TULP3: variants seen among roughly 807,000 people sequenced by gnomAD.
TULP3 encodes TUB like protein 3.
Under a neutral mutation model 50.7 loss-of-function variants are expected in TULP3, and 38 were observed. That is an observed-to-expected ratio of 0.75 (90% CI 0.58 to 0.98). TULP3 has a LOEUF of 0.98. Among genes scored for constraint, TULP3 ranks in the 50% least tolerant of loss-of-function variants. TULP3 has a pLI of 0.00. For synonymous variants in TULP3, 183 were observed against 196.6 expected (o/e 0.93, Z 0.58); for missense variants, 550 against 568.0 (o/e 0.97, Z 0.32).
At chr12:2,904,368 C>T (rs1278396376) in intron 1 of TULP3, among the ~76,000 whole-genome samples, 2 of 152,058 alleles carry the variant, frequency 1.3e-5, no homozygotes, top group Non-Finnish European at 2.9e-5. Flanking sequence ...GATGGAATCT[C>T]GCTCTGTTGC....
In TULP3 at chr12:2,940,548, G is replaced by A; in HGVS notation, c.*1104G>A. 6.4e-7 allele frequency: 1 copy of A among 1,550,564 alleles called. No homozygotes were observed. The highest frequency in any genetic ancestry group is 2.4e-5 in the East Asian group (1 of 40,912). On this transcript the variant is annotated 3_prime_UTR_variant, in exon 11 of 11. Coordinates refer to ENST00000448120, the MANE Select transcript of TULP3 (RefSeq NM_003324.5). Reference sequence around the variant, plus strand: ...TTCCCAGAATGTATCCAAACCTTGAGAATGCAGGAGCTCTGTGAGCTCCAC... The same window carrying A: ...TTCCCAGAATGTATCCAAACCTTGAAAATGCAGGAGCTCTGTGAGCTCCAC...
chr12:2,940,728 G>A lies in TULP3; in HGVS notation c.*1284G>A, dbSNP rs2098204310. The A allele has an allele frequency of 6.5e-7, 1 of 1,548,476 alleles. No individual in the cohort carries two copies. The highest frequency in any genetic ancestry group is 1.4e-5 in the African/African-American group (1 of 73,156). ...GCACCACATCAGATAAGCATGTGAA[G>A]GAGGGCCAACTGGCAGCTGCGGGAC... On this transcript the variant is annotated 3_prime_UTR_variant, in exon 11 of 11. Coordinates refer to ENST00000448120, the MANE Select transcript of TULP3 (RefSeq NM_003324.5).
At position 2,939,985 on chromosome 12, in the gene TULP3, A is replaced by G; in HGVS notation, c.*541A>G. Reference sequence around the variant, plus strand: ...AAACTTGCAGTAGAATCAGGGACTGACATCGCAGTTCCTCTCCTCTCTTCA... The same window carrying G: ...AAACTTGCAGTAGAATCAGGGACTGGCATCGCAGTTCCTCTCCTCTCTTCA... On this transcript the variant is annotated 3_prime_UTR_variant, in exon 11 of 11. Coordinates refer to ENST00000448120, the MANE Select transcript of TULP3 (RefSeq NM_003324.5). This position sits in a 1 kb window ranked among gnomAD's most constrained non-coding sequence, Gnocchi z 4.0. 1 of 1,280,364 alleles carries G rather than the reference A, an allele frequency of 7.8e-7. No individual in the cohort carries two copies. Among genetic ancestry groups the G allele is most frequent in the Non-Finnish European group, 1.0e-6 (1 of 981,138 alleles). 79.3% of individuals were successfully genotyped at this position (1,280,364 alleles called of 1,614,324 possible). A position where few individuals can be genotyped will look rare whatever the true frequency, so the allele number is the denominator to read the frequency against.
At chr12:2,897,807 G>C (rs1481415877) in intron 1 of TULP3, among the ~76,000 whole-genome samples, 3 of 150,642 alleles carry the variant, frequency 2.0e-5, no homozygotes, top group African/African-American at 7.4e-5. Flanking sequence ...GGCCCAGTGC[G>C]GTGGCTCATG....
chr12:2,898,939 A>G (rs912732302), intron 1 of TULP3, among the ~76,000 whole-genome samples: 13 of 152,186 alleles, frequency 8.5e-5, no homozygotes, highest in African/African-American at 3.1e-4. Context: ...TAGGCATCGC[A>G]AAGTGCTGGG....
intron 1 of TULP3, among the ~76,000 whole-genome samples, chr12:2,894,212 C>T (rs1164647328): frequency 7.2e-6 from 1 of 138,210 alleles, no homozygotes; most frequent in Admixed American, 8.6e-5. Flanking sequence ...CATGATTTCT[C>T]TTTAGAAATA....
At chr12:2,908,670 T>C (rs2098183783) in intron 1 of TULP3, among the ~76,000 whole-genome samples, 2 of 152,160 alleles carry the variant, frequency 1.3e-5, no homozygotes, top group East Asian at 1.9e-4. Flanking sequence ...TCCACCTGCC[T>C]TGACCTCCCA....
At chr12:2,899,341 G>A (rs1403376087) in intron 1 of TULP3, among the ~76,000 whole-genome samples, 5 of 69,024 alleles carry the variant, frequency 7.2e-5, no homozygotes, top group East Asian at 5.2e-4. Context: ...GCGAAACGAC[G>A]TCTCAAAAAA....
chr12:2,899,146 G>C (rs1221705768), intron 1 of TULP3, among the ~76,000 whole-genome samples: 1 of 151,812 alleles, frequency 6.6e-6, no homozygotes, highest in African/African-American at 2.4e-5. Flanking sequence ...AGGAGTTAGA[G>C]ACCAGCCTGA....
At position 2,931,241 on chromosome 12, in the gene TULP3, G is replaced by A. The variant is rs2153950239; in HGVS notation, c.696+1G>A. 6.2e-7 allele frequency: 1 copy of A among 1,613,078 alleles called. No individual in the cohort carries two copies. Among genetic ancestry groups the A allele is most frequent in the South Asian group, 1.1e-5 (1 of 90,942 alleles). ...CTTGGAAAAAGAAGAAAATCAGAAG[G>A]TATGAGAATTGATTTCTAAGAAAAC... On this transcript the variant is annotated splice_donor_variant, in intron 6 of 10. Coordinates refer to ENST00000448120, the MANE Select transcript of TULP3 (RefSeq NM_003324.5). LOFTEE classifies it high-confidence loss of function.
chr12:2,898,445 A>T (rs116711269), intron 1 of TULP3, among the ~76,000 whole-genome samples: 1,708 of 152,178 alleles, frequency 0.011, 37 homozygotes, highest in African/African-American at 0.038. Context: ...GACTATAGGC[A>T]TGCACCATCA....
At chr12:2,926,083 T>G (rs1451865082) in intron 4 of TULP3, among the ~76,000 whole-genome samples, 3 of 152,194 alleles carry the variant, frequency 2.0e-5, no homozygotes, top group Non-Finnish European at 2.9e-5. Context: ...ATCTTTGATC[T>G]CTCAAGACAG....
In TULP3 at chr12:2,898,174, TAA is replaced by T. The variant is rs1294743249; in HGVS notation, c.41+7187_41+7188del. On this transcript the variant is annotated intron_variant, in intron 1 of 10. Coordinates refer to ENST00000448120, the MANE Select transcript of TULP3 (RefSeq NM_003324.5). ...TAATCTTCACAATAACCTTCTGAGT[TAA>T]GTGTCATTGTCCTCACTTTGTAAAT... 1.1e-4 allele frequency among the ~76,000 whole-genome samples: 16 copies of T among 152,182 alleles called. No individual in the cohort carries two copies. In the East Asian group the frequency reaches 3.1e-3, roughly 29 times the overall value.
At chr12:2,897,696 G>A (rs559612397) in intron 1 of TULP3, among the ~76,000 whole-genome samples, 44 of 148,632 alleles carry the variant, frequency 3.0e-4, no homozygotes, top group Admixed American at 2.0e-4. Flanking sequence ...CGGGCCTCAA[G>A]TGATTCTCCC....
chr12:2,902,883 A>C, intron 1 of TULP3, among the ~76,000 whole-genome samples: 1 of 146,042 alleles, frequency 6.8e-6, no homozygotes, highest in African/African-American at 2.6e-5. Flanking sequence ...TTTTTTTGAG[A>C]CAGAGTCTCG....
At chr12:2,928,818 A>G (rs1421206018) in intron 4 of TULP3, among the ~76,000 whole-genome samples, 1 of 150,428 alleles carries the variant, frequency 6.6e-6, no homozygotes, top group Non-Finnish European at 1.5e-5. Flanking sequence ...CGTGGCGCAC[A>G]CCTGTAATCC....
chr12:2,939,430 C>G lies in TULP3; in HGVS notation c.1315C>G (p.Leu439Val), dbSNP rs2098203394. ...GIGLSSFDSK[L>V]ACE ...CGGTCTTTCTAGCTTTGACAGTAAGCTGGCGTGTGAATGAGAGAACAGTCA... is the reference window on the plus strand; with the variant it reads ...CGGTCTTTCTAGCTTTGACAGTAAGGTGGCGTGTGAATGAGAGAACAGTCA... The change falls in exon 11 of 11, where the codon CTG (leucine) becomes GTG (valine). Residue 439 changes from leucine (L) to valine (V), a missense_variant. Transcript: ENST00000448120. The surrounding 1 kb of genome is among the most constrained non-coding windows in gnomAD (Gnocchi z 4.0). 2.5e-6 allele frequency: 4 copies of G among 1,614,132 alleles called. No homozygotes were observed. Among genetic ancestry groups the G allele is most frequent in the Non-Finnish European group, 3.4e-6 (4 of 1,180,030 alleles).
intron 8 of TULP3, among the ~76,000 whole-genome samples, chr12:2,937,257 C>T (rs1222563919): frequency 9.0e-6 from 1 of 110,950 alleles, no homozygotes; most frequent in African/African-American, 3.5e-5. Flanking sequence ...ACTCTTGTCG[C>T]CCAGGCTGGA....
In TULP3 at chr12:2,891,007, AGGTCTCCTCCTGAGC is replaced by A; in HGVS notation, c.41+21_41+35del. The A allele has an allele frequency of 6.3e-7, 1 of 1,576,554 alleles. No homozygotes were observed. Among genetic ancestry groups the A allele is most frequent in the Non-Finnish European group, 8.6e-7 (1 of 1,162,880 alleles). ...GCGACAGGTCAGACAGGGCCGTGGC[AGGTCTCCTCCTGAGC>A]GAGGCGGAGGGGCGAAGCGAGAAGG... On this transcript the variant is annotated intron_variant, in intron 1 of 10. Coordinates refer to ENST00000448120, the MANE Select transcript of TULP3 (RefSeq NM_003324.5).
Sources: gnomAD v4.1 joint callset for allele counts (sites outside exome capture counted in the v4.1 genomes callset) on GRCh38, gnomAD v4.1.1 for gene constraint, Gnocchi (gnomAD v3.1) non-coding constraint, MANE v1.5 for transcripts, NCBI Gene and HGNC (gene_info 2026-07-23, HGNC 2026-07-21) for gene names.